TBC1D21: variants seen among roughly 807,000 people sequenced by gnomAD.
The protein encoded by TBC1D21 is TBC1 domain family member 21, also known as male germ cell Rab GTPase-activating protein.
Under a neutral mutation model 46.0 loss-of-function variants are expected in TBC1D21, and 38 were observed. The observed-to-expected ratio is 0.83, with a 90% CI of 0.64 to 1.08. TBC1D21 has a LOEUF of 1.08. Among genes scored for constraint, TBC1D21 ranks in the 50% least tolerant of loss-of-function variants. The probability of loss-of-function intolerance (pLI) is 0.00; values close to 1 mark genes in which losing one functional copy is unlikely to be tolerated. For synonymous variants in TBC1D21, 151 were observed against 157.2 expected, an observed-to-expected ratio of 0.96 and a Z score of 0.29; for missense variants, 415 against 417.9, an observed-to-expected ratio of 0.99 and a Z score of 0.06.
chr15:73,880,350 A>G (rs1278517602), intron 1 of TBC1D21, among the ~76,000 whole-genome samples: 1 of 151,470 alleles, frequency 6.6e-6, no homozygotes, highest in African/African-American at 2.4e-5. Context: ...AGCAGAGACT[A>G]TCTCTCATAA....
At chr15:73,906,245 A>T in the TBC1D21 span, among the ~76,000 whole-genome samples, 1 of 152,194 alleles carries the variant, frequency 6.6e-6, no homozygotes, top group Non-Finnish European at 1.5e-5. Context: ...GCCATCTTGA[A>T]GGAGCTGGGT....
chr15:73,904,726 A>G, the TBC1D21 span, among the ~76,000 whole-genome samples: 36 of 152,142 alleles, frequency 2.4e-4, no homozygotes, highest in Non-Finnish European at 1.3e-4. Context: ...AGAGGAGCTC[A>G]TGGGACTGGG....
At chr15:73,892,337 G>A (rs887265745), downstream of TBC1D21, among the ~76,000 whole-genome samples, 1 of 152,236 alleles carries the variant, frequency 6.6e-6, no homozygotes, top group African/African-American at 2.4e-5. Flanking sequence ...AACACAAAGA[G>A]GGCTGAAACC....
the TBC1D21 span, among the ~76,000 whole-genome samples, chr15:73,898,880 A>AATATATATATATATATATATAT: frequency 1.1e-4 from 6 of 56,800 alleles, no homozygotes; most frequent in South Asian, 6.1e-4. Flanking sequence ...AAAAAAAAAA[A>AATATATATATATATATATATAT]ATATATATAT....
At chr15:73,888,406 A>G (rs1388082565) in intron 9 of TBC1D21, 24 bp from the exon 10 acceptor site, 1 of 1,609,578 alleles carries the variant, frequency 6.2e-7, no homozygotes, top group Admixed American at 1.7e-5. Context: ...CCCCACCCAC[A>G]ACTGCTCCCA....
downstream of TBC1D21, among the ~76,000 whole-genome samples, chr15:73,891,899 G>A (rs560415758): frequency 1.0e-3 from 158 of 152,340 alleles, no homozygotes; most frequent in Non-Finnish European, 1.6e-3. Flanking sequence ...CCTGGGCACC[G>A]TGGATGGCAG....
At chr15:73,875,987 T>A (rs2141545299) in intron 1 of TBC1D21, among the ~76,000 whole-genome samples, 1 of 50,702 alleles carries the variant, frequency 2.0e-5, no homozygotes, top group African/African-American at 4.6e-5. Flanking sequence ...GTAGGTGGTG[T>A]GCATGTAGAG....
intron 9 of TBC1D21, among the ~76,000 whole-genome samples, chr15:73,887,983 C>T (rs1326459927): frequency 6.6e-6 from 1 of 152,194 alleles, no homozygotes; most frequent in African/African-American, 2.4e-5. Flanking sequence ...CCCTAGTTAA[C>T]ACATGAGGAA....
chr15:73,886,013 G>T, intron 6 of TBC1D21, 65 bp from the exon 7 acceptor site: 1 of 1,393,612 alleles, frequency 7.2e-7, no homozygotes. Flanking sequence ...GGGGGAAGCA[G>T]AGTTGACTCT....
the TBC1D21 span, among the ~76,000 whole-genome samples, chr15:73,900,266 G>T: frequency 6.6e-6 from 1 of 152,210 alleles, no homozygotes; most frequent in East Asian, 1.9e-4. Flanking sequence ...CGCAGACACA[G>T]CCTCTTGGCA....
chr15:73,897,391 C>A, the TBC1D21 span, among the ~76,000 whole-genome samples: 1 of 152,236 alleles, frequency 6.6e-6, no homozygotes, highest in Non-Finnish European at 1.5e-5. Flanking sequence ...GAAATGGTAG[C>A]TGTTGGAAAG....
intron 1 of TBC1D21, among the ~76,000 whole-genome samples, chr15:73,878,855 T>C (rs1369747861): frequency 1.3e-5 from 2 of 152,246 alleles, no homozygotes; most frequent in Non-Finnish European, 2.9e-5. Flanking sequence ...GCCTGTTCCC[T>C]TCTGCTTCCT....
At chr15:73,907,734 T>A in the TBC1D21 span, among the ~76,000 whole-genome samples, 2 of 152,256 alleles carry the variant, frequency 1.3e-5, no homozygotes, top group Admixed American at 6.5e-5. Flanking sequence ...CTTTCTCTTT[T>A]ACTTTTAAGA....
intron 6 of TBC1D21, 130 bp from the exon 7 acceptor site, chr15:73,885,948 T>C (rs2141576818): frequency 1.4e-6 from 1 of 690,594 alleles, no homozygotes; most frequent in Non-Finnish European, 2.6e-6. Flanking sequence ...CTCAGACTCA[T>C]AGAGACATGG....
intron 8 of TBC1D21, among the ~76,000 whole-genome samples, chr15:73,887,302 T>A (rs905868426): frequency 6.6e-6 from 1 of 152,060 alleles, no homozygotes; most frequent in African/African-American, 2.4e-5. Flanking sequence ...AAAACCCCAC[T>A]CAAATTCGAC....
At chr15:73,898,900 T>TATAC in the TBC1D21 span, among the ~76,000 whole-genome samples, 1 of 129,012 alleles carries the variant, frequency 7.8e-6, no homozygotes, top group African/African-American at 2.8e-5. Context: ...TATATATATA[T>TATAC]ATACACACAC....
intron 10 of TBC1D21, 54 bp downstream of exon 10, chr15:73,888,567 CTCCTCCTCCTCCTCT>C (rs1347698340): frequency 4.1e-5 from 40 of 987,112 alleles, no homozygotes; most frequent in Middle Eastern, 2.6e-4. Flanking sequence ...CCTCCTCTTC[CTCCTCCTCCTCCTCT>C]TCCTCCTCCT....
chr15:73,895,294 C>G, the TBC1D21 span, among the ~76,000 whole-genome samples: 1 of 152,154 alleles, frequency 6.6e-6, no homozygotes, highest in Admixed American at 6.5e-5. Context: ...TGATTACGGA[C>G]CAGAGAGGAC....
the TBC1D21 span, among the ~76,000 whole-genome samples, chr15:73,894,436 G>C: frequency 6.6e-6 from 1 of 152,352 alleles, no homozygotes; most frequent in African/African-American, 2.4e-5. Context: ...GATTACCCCA[G>C]TAAGTGTGGG....
Sources: allele counts gnomAD v4.1 joint callset (sites outside exome capture counted in the v4.1 genomes callset), GRCh38; gene constraint gnomAD v4.1.1; transcripts MANE v1.5; gene names NCBI Gene and HGNC (gene_info 2026-07-23, HGNC 2026-07-21).